ADCY9: variants seen among roughly 807,000 people sequenced by gnomAD.
The protein encoded by ADCY9 is adenylate cyclase type 9.
Under a neutral mutation model 101.5 loss-of-function variants are expected in ADCY9, and 50 were observed. The observed-to-expected ratio is 0.49, with a 90% CI of 0.39 to 0.62. The LOEUF is 0.62. Among genes scored for constraint, ADCY9 ranks in the 20% least tolerant of loss-of-function variants. ADCY9 has a pLI of 0.00. For missense variants in ADCY9, 1,662 were observed against 1,800.4 expected, an observed-to-expected ratio of 0.92 and a Z score of 1.39; for synonymous variants, 905 against 769.3, an observed-to-expected ratio of 1.18 and a Z score of -2.92.
At chr16:4,003,192 T>C (rs1041306116) in intron 3 of ADCY9, among the ~76,000 whole-genome samples, 3 of 152,154 alleles carry the variant, frequency 2.0e-5, no homozygotes, top group Non-Finnish European at 2.9e-5. Context: ...ACAAGTGACT[T>C]GGTTACGGCC....
intron 5 of ADCY9, among the ~76,000 whole-genome samples, chr16:3,990,626 C>A (rs2056236630): frequency 6.6e-6 from 1 of 152,170 alleles, no homozygotes; most frequent in African/African-American, 2.4e-5. Context: ...CATTCTCAGA[C>A]TCAGAAGAGA....
Position 3,983,361 on chromosome 16 carries a change from A to G in ADCY9, c.2390T>C (p.Val797Ala). ...SLLDVFLSTT[V>A]FLTLSTTCFL... The stretch of plus-strand genomic sequence containing the variant: ...GCAGGTGGTGGACAGCGTCAGAAAC[A>G]CTGTGGTCGACAGAAACACATCCAG... The change falls in exon 7 of 11, where the codon GTG becomes GCG. Residue 797 changes from valine (V) to alanine (A), a missense_variant. Physicochemically the swap from Val to Ala is moderately conservative, Grantham distance 64. Coordinates refer to ENST00000294016, the MANE Select transcript of ADCY9 (RefSeq NM_001116.4). 6.2e-7 allele frequency: 1 copy of G among 1,604,200 alleles called. No homozygotes were observed. The highest frequency in any genetic ancestry group is 8.5e-7 in the Non-Finnish European group (1 of 1,175,108).
chr16:3,958,027 C>T (rs906824991), downstream of ADCY9, among the ~76,000 whole-genome samples: 2 of 152,030 alleles, frequency 1.3e-5, no homozygotes, highest in Non-Finnish European at 2.9e-5. Flanking sequence ...AGCTGGAGGC[C>T]GGGCTAGGGC....
chr16:4,019,797 G>A (rs377273996), intron 2 of ADCY9, among the ~76,000 whole-genome samples: 3 of 152,302 alleles, frequency 2.0e-5, no homozygotes, highest in East Asian at 3.9e-4. Context: ...AGAGATACAT[G>A]CCAGGCATGG....
intron 2 of ADCY9, among the ~76,000 whole-genome samples, chr16:4,059,758 C>T (rs764748746): frequency 2.0e-5 from 3 of 151,980 alleles, no homozygotes; most frequent in Non-Finnish European, 4.4e-5. Context: ...GTCAGCCTGG[C>T]GTGGTGATGC....
At position 4,097,553 on chromosome 16, in the gene ADCY9, ATTTTTT is replaced by A. The variant is rs35732229; in HGVS notation, c.1693+16191_1693+16196del. 3.3e-3 allele frequency among the ~76,000 whole-genome samples: 174 copies of A among 53,382 alleles called. No individual in the cohort carries two copies. The Middle Eastern group carries it at 0.059, about 18-fold the overall frequency. The allele number at this position is 53,382 out of a possible 152,430, so 35.0% of individuals were successfully genotyped here. ...CATATATATATATATATATATATATATTTTTTTTTTTTTTTTTTAAGACAGAGTCTT... is the reference window on the plus strand; with the variant it reads ...CATATATATATATATATATATATATATTTTTTTTTTTTAAGACAGAGTCTT... On this transcript the variant is annotated intron_variant, in intron 2 of 10. Transcript: ENST00000294016.
intron 3 of ADCY9, among the ~76,000 whole-genome samples, chr16:4,006,866 C>CTACAATG (rs966448287): frequency 6.6e-6 from 1 of 152,170 alleles, no homozygotes; most frequent in African/African-American, 2.4e-5. Flanking sequence ...TAATGAAATA[C>CTACAATG]TACAATGTTC....
At chr16:4,010,467 C>T (rs868584915) in intron 2 of ADCY9, among the ~76,000 whole-genome samples, 1 of 152,242 alleles carries the variant, frequency 6.6e-6, no homozygotes, top group African/African-American at 2.4e-5. Context: ...ACATCTCCAA[C>T]GTCTGCTGTT....
chr16:4,094,810 AACAC>A lies in ADCY9; in HGVS notation c.1693+18936_1693+18939del, dbSNP rs564267070. Among the ~76,000 whole-genome samples, 1,382 of 152,050 alleles carry A rather than the reference AACAC, an allele frequency of 9.1e-3. 27 individuals are homozygous for A. Among genetic ancestry groups the A allele is most frequent in the Admixed American group, 0.046 (697 of 15,280 alleles). ...TCATCATTTGAGCAAAAAGGAAGAA[AACAC>A]ACACAGAAACTCAGGAGATCCAGAA... On this transcript the variant is annotated intron_variant, in intron 2 of 10. Transcript: ENST00000294016.
chr16:4,065,355 C>T (rs1208043883), intron 2 of ADCY9, among the ~76,000 whole-genome samples: 1 of 152,198 alleles, frequency 6.6e-6, no homozygotes, highest in Non-Finnish European at 1.5e-5. Context: ...GCCCTGTTTT[C>T]GTTTCCTTTC....
chr16:4,052,750 T>G (rs139754116), intron 2 of ADCY9, among the ~76,000 whole-genome samples: 391 of 152,292 alleles, frequency 2.6e-3, no homozygotes, highest in African/African-American at 7.9e-3. Context: ...CCCTAGGAAA[T>G]AAATATGCTA....
At chr16:3,974,383 C>A (rs910480699) in intron 10 of ADCY9, among the ~76,000 whole-genome samples, 3 of 152,260 alleles carry the variant, frequency 2.0e-5, no homozygotes, top group Non-Finnish European at 4.4e-5. Flanking sequence ...TACAAAATAA[C>A]TTTTTTCTTT....
chr16:3,979,109 T>C lies in ADCY9; in HGVS notation c.2679+7A>G. 3.1e-6 allele frequency: 5 copies of C among 1,614,208 alleles called. No homozygotes were observed. In the South Asian group the frequency reaches 5.5e-5, roughly 18 times the overall value. On this transcript the variant is annotated splice_region_variant and intron_variant, in intron 8 of 10. Coordinates refer to ENST00000294016, the MANE Select transcript of ADCY9 (RefSeq NM_001116.4). The stretch of plus-strand genomic sequence containing the variant: ...CGTGGAAATAAAACGGCTGAGCCTT[T>C]ACTTACGTGTATGTTGGTCTCATAT...
chr16:3,962,118 G>C (rs2055943753), downstream of ADCY9, among the ~76,000 whole-genome samples: 1 of 152,210 alleles, frequency 6.6e-6, no homozygotes, highest in African/African-American at 2.4e-5. Context: ...TTTGGCCTCA[G>C]ATGCGGGAGT....
At chr16:3,984,619 A>G (rs1008239373) in intron 6 of ADCY9, among the ~76,000 whole-genome samples, 4 of 152,212 alleles carry the variant, frequency 2.6e-5, no homozygotes, top group African/African-American at 9.6e-5. Flanking sequence ...CTTGGCATGG[A>G]CCGGTTGACT....
At chr16:4,005,861 G>T (rs1429858339) in intron 3 of ADCY9, among the ~76,000 whole-genome samples, 1 of 152,112 alleles carries the variant, frequency 6.6e-6, no homozygotes, top group East Asian at 1.9e-4. Context: ...CAGGCTGGAG[G>T]AAACAATTCT....
At chr16:4,026,524 CA>C (rs2056516415) in intron 2 of ADCY9, among the ~76,000 whole-genome samples, 2 of 150,894 alleles carry the variant, frequency 1.3e-5, no homozygotes, top group South Asian at 4.2e-4. Flanking sequence ...CTTATGTTTA[CA>C]AAAAACGCTG....
chr16:4,036,175 C>T (rs2056588262), intron 2 of ADCY9, among the ~76,000 whole-genome samples: 1 of 151,738 alleles, frequency 6.6e-6, no homozygotes, highest in Admixed American at 6.6e-5. Flanking sequence ...CACCAACAGC[C>T]ACAGCACCTT....
chr16:3,988,858 G>A (rs2056220174), intron 6 of ADCY9, 136 bp downstream of exon 6: 5 of 714,502 alleles, frequency 7.0e-6, no homozygotes, highest in Non-Finnish European at 1.0e-5. Flanking sequence ...TTGCCACTTA[G>A]GGTTTACAGA....
Sources: allele counts gnomAD v4.1 joint callset (sites outside exome capture counted in the v4.1 genomes callset), GRCh38; gene constraint gnomAD v4.1.1; transcripts MANE v1.5; gene names NCBI Gene and HGNC (gene_info 2026-07-23, HGNC 2026-07-21).